Variants in GIPC2 observed in about 807,000 individuals in gnomAD.
GIPC2 encodes the protein PDZ domain-containing protein GIPC2.
In GIPC2, 30 loss-of-function variants were observed where a neutral mutation model predicts 30.6. The ratio of observed to expected loss-of-function variants is 0.98; its 90% CI spans 0.73 to 1.33. The LOEUF is 1.33. GIPC2 is among the 40% of genes most tolerant of loss of function. GIPC2 has a pLI of 0.00. For missense variants in GIPC2, 414 were observed against 390.3 expected, an observed-to-expected ratio of 1.06 and a Z score of -0.51; for synonymous variants, 167 against 150.0, an observed-to-expected ratio of 1.11 and a Z score of -0.83.
intron 2 of GIPC2, among the ~76,000 whole-genome samples, chr1:78,085,476 G>A (rs913820806): frequency 3.3e-5 from 5 of 151,200 alleles, no homozygotes; most frequent in East Asian, 1.9e-4. Context: ...CTCCTCCTCA[G>A]TAGTTTCTAT....
intron 3 of GIPC2, among the ~76,000 whole-genome samples, chr1:78,107,587 G>C (rs949348716): frequency 6.6e-6 from 1 of 152,096 alleles, no homozygotes; most frequent in Non-Finnish European, 1.5e-5. Context: ...CACTTTGGGA[G>C]GCTGGGGCAA....
intron 1 of GIPC2, among the ~76,000 whole-genome samples, chr1:78,075,173 AG>A (rs2100334464): frequency 6.6e-6 from 1 of 152,322 alleles, no homozygotes; most frequent in African/African-American, 2.4e-5. Flanking sequence ...TACATAAAAG[AG>A]AGCTGTGTGT....
chr1:78,078,205 A>AAC (rs1557534556), intron 1 of GIPC2, among the ~76,000 whole-genome samples: 1 of 151,524 alleles, frequency 6.6e-6, no homozygotes, highest in East Asian at 1.9e-4. Flanking sequence ...AAAAAAAAAA[A>AAC]AAAAACCTAG....
At chr1:78,067,581 T>C (rs1176643329) in intron 1 of GIPC2, among the ~76,000 whole-genome samples, 1 of 152,034 alleles carries the variant, frequency 6.6e-6, no homozygotes, top group East Asian at 1.9e-4. Flanking sequence ...CCCCTGCGAC[T>C]AGCTGGGATT....
chr1:78,094,806 A>T, intron 2 of GIPC2, 146 bp from the exon 3 acceptor site: 5 of 542,714 alleles, frequency 9.2e-6, no homozygotes, highest in South Asian at 6.1e-5. Flanking sequence ...GTTTTTTTTT[A>T]AACCTGTAGC....
intron 3 of GIPC2, chr1:78,112,577 C>G: frequency 3.9e-6 from 2 of 518,744 alleles, no homozygotes; most frequent in Non-Finnish European, 7.7e-6. Context: ...AGGCCTCGTT[C>G]TGTGCGGAAG....
chr1:78,075,085 A>G (rs1661692546), intron 1 of GIPC2, among the ~76,000 whole-genome samples: 1 of 152,200 alleles, frequency 6.6e-6, no homozygotes, highest in Non-Finnish European at 1.5e-5. Flanking sequence ...TGTGTATCAG[A>G]CAGCGTGTTT....
At chr1:78,070,281 A>C (rs1661592565) in intron 1 of GIPC2, among the ~76,000 whole-genome samples, 1 of 152,214 alleles carries the variant, frequency 6.6e-6, no homozygotes, top group Admixed American at 6.5e-5. Flanking sequence ...TCCAGCATAT[A>C]AAATGTCCCC....
chr1:78,087,345 C>G (rs1159932091), intron 2 of GIPC2, among the ~76,000 whole-genome samples: 1 of 152,142 alleles, frequency 6.6e-6, no homozygotes, highest in Non-Finnish European at 1.5e-5. Context: ...CGACTTCAAA[C>G]TGTACTACAG....
intron 4 of GIPC2, 130 bp from the exon 5 acceptor site, chr1:78,125,751 T>A (rs1662769654): frequency 1.6e-6 from 1 of 611,426 alleles, no homozygotes; most frequent in Non-Finnish European, 3.0e-6. Flanking sequence ...ACATTCTAGA[T>A]CTATTTCCAT....
chr1:78,126,030 C>A, intron 5 of GIPC2, 68 bp downstream of exon 5: 1 of 711,662 alleles, frequency 1.4e-6, no homozygotes. Context: ...CTTGTTTATA[C>A]ATACAGCCAA....
intron 1 of GIPC2, among the ~76,000 whole-genome samples, chr1:78,071,363 GTTATA>G (rs1195333516): frequency 6.6e-6 from 1 of 151,900 alleles, no homozygotes; most frequent in East Asian, 1.9e-4. Context: ...ATTATAAATA[GTTATA>G]TTATGCAAAC....
intron 5 of GIPC2, 107 bp downstream of exon 5, chr1:78,126,069 G>T: frequency 3.4e-6 from 2 of 584,662 alleles, no homozygotes; most frequent in South Asian, 2.1e-5. Context: ...CAATATTTGT[G>T]GTATGATGAA....
chr1:78,048,780 T>C (rs1661144143), intron 1 of GIPC2, among the ~76,000 whole-genome samples: 1 of 152,060 alleles, frequency 6.6e-6, no homozygotes, highest in South Asian at 2.1e-4. Flanking sequence ...GTCTCAGCAA[T>C]AGCTTGGTAG....
At chr1:78,045,705 C>T (rs1020520477), upstream of GIPC2, 3 of 985,346 alleles carry the variant, frequency 3.0e-6, no homozygotes, top group Non-Finnish European at 3.6e-6. Context: ...CCAAATCATG[C>T]GTGGGTGCCT....
At chr1:78,058,832 A>G (rs1661343358) in intron 1 of GIPC2, among the ~76,000 whole-genome samples, 1 of 152,196 alleles carries the variant, frequency 6.6e-6, no homozygotes, top group Non-Finnish European at 1.5e-5. Flanking sequence ...ATATACTTCA[A>G]AAAAATGCTG....
At chr1:78,110,406 A>G (rs1345146146) in intron 3 of GIPC2, among the ~76,000 whole-genome samples, 1 of 152,230 alleles carries the variant, frequency 6.6e-6, no homozygotes, top group Non-Finnish European at 1.5e-5. Context: ...GTTGCAACTA[A>G]TTAAAAAATT....
At chr1:78,089,265 A>T (rs1661992622) in intron 2 of GIPC2, among the ~76,000 whole-genome samples, 1 of 152,176 alleles carries the variant, frequency 6.6e-6, no homozygotes, top group Non-Finnish European at 1.5e-5. Context: ...TCACTTATTT[A>T]CTGGCTGTGT....
intron 1 of GIPC2, among the ~76,000 whole-genome samples, chr1:78,050,305 A>G (rs147154145): frequency 2.0e-5 from 3 of 152,188 alleles, no homozygotes; most frequent in Non-Finnish European, 4.4e-5. Context: ...TTTTTTCAAT[A>G]AAAGCCTCAG....
Sources: gnomAD v4.1 joint callset for allele counts (sites outside exome capture counted in the v4.1 genomes callset) on GRCh38, gnomAD v4.1.1 for gene constraint, MANE v1.5 for transcripts, NCBI Gene and HGNC (gene_info 2026-07-23, HGNC 2026-07-21) for gene names.